Variants in MAST2 observed in about 807,000 individuals in gnomAD.
MAST2 encodes the protein microtubule associated serine/threonine kinase 2, also known as microtubule-associated serine/threonine-protein kinase 2.
Under a neutral mutation model 147.4 loss-of-function variants are expected in MAST2, and 70 were observed. The ratio of observed to expected loss-of-function variants is 0.47; its 90% CI spans 0.39 to 0.58. The LOEUF (loss-of-function observed/expected upper bound fraction) is 0.58. Among genes scored for constraint, MAST2 ranks in the 20% least tolerant of loss-of-function variants. The pLI, the probability that MAST2 is intolerant of heterozygous loss-of-function variation, is 0.00. For missense variants in MAST2, 2,080 were observed against 2,302.3 expected (o/e 0.90, Z 1.98); for synonymous variants, 869 against 896.8 (o/e 0.97, Z 0.55).
chr1:45,926,427 C>T (rs1428989328), intron 4 of MAST2, among the ~76,000 whole-genome samples: 2 of 122,538 alleles, frequency 1.6e-5, no homozygotes, highest in Non-Finnish European at 3.6e-5. Flanking sequence ...GGATATATTG[C>T]CTACCATATG....
intron 4 of MAST2, among the ~76,000 whole-genome samples, chr1:45,930,325 C>T (rs1216555974): frequency 4.6e-5 from 7 of 152,026 alleles, no homozygotes; most frequent in African/African-American, 9.7e-5. Flanking sequence ...ATGATCTACC[C>T]GCCTTGGCCT....
chr1:45,882,107 G>T (rs1646877496), intron 3 of MAST2, among the ~76,000 whole-genome samples: 1 of 149,124 alleles, frequency 6.7e-6, no homozygotes, highest in Non-Finnish European at 1.5e-5. Context: ...CAGGAGAAAG[G>T]CGTGAACCTG....
chr1:45,856,903 T>A (rs1645808874), intron 3 of MAST2, among the ~76,000 whole-genome samples: 1 of 152,160 alleles, frequency 6.6e-6, no homozygotes, highest in South Asian at 2.1e-4. Flanking sequence ...CTAGTTATTT[T>A]TAAATAATAC....
chr1:45,998,832 A>G (rs941172616), intron 6 of MAST2, among the ~76,000 whole-genome samples: 1 of 151,070 alleles, frequency 6.6e-6, no homozygotes, highest in Non-Finnish European at 1.5e-5. Flanking sequence ...GGTTCACGCC[A>G]TTCTCCTGCC....
chr1:46,026,477 G>A (rs1417980336), intron 16 of MAST2, among the ~76,000 whole-genome samples: 1 of 152,182 alleles, frequency 6.6e-6, no homozygotes, highest in African/African-American at 2.4e-5. Context: ...GGGGCCTAGA[G>A]AGTCTTGGAA....
chr1:45,862,540 C>G (rs1646016991), intron 3 of MAST2, among the ~76,000 whole-genome samples: 1 of 147,558 alleles, frequency 6.8e-6, no homozygotes, highest in South Asian at 2.1e-4. Flanking sequence ...GGCACGATCT[C>G]AGCTCTGCAA....
chr1:45,908,336 A>G (rs1047931026), intron 4 of MAST2, among the ~76,000 whole-genome samples: 1 of 152,126 alleles, frequency 6.6e-6, no homozygotes, highest in Admixed American at 6.5e-5. Context: ...TCCCAATGCT[A>G]TCCCTCCCTG....
intron 5 of MAST2, among the ~76,000 whole-genome samples, chr1:45,971,940 A>G (rs948211018): frequency 1.3e-5 from 2 of 152,174 alleles, no homozygotes; most frequent in African/African-American, 4.8e-5. Flanking sequence ...TGTTTGTTAC[A>G]TATCATCTAA....
At position 45,944,076 on chromosome 1, in the gene MAST2, C is replaced by G. The variant is rs549782348; in HGVS notation, c.501-15310C>G. ...AAGAACCTGCTCTTGGGGTCTCAGA[C>G]AAGACCTCTTTTCTAGCGACAGTCT... is the stretch of plus-strand genomic sequence containing the variant. On this transcript the variant is annotated intron_variant, in intron 4 of 28. Transcript: ENST00000361297. 2.0e-5 allele frequency among the ~76,000 whole-genome samples: 3 copies of G among 152,290 alleles called. No individual in the cohort carries two copies. In the East Asian group the frequency reaches 5.8e-4, roughly 29 times the overall value.
intron 3 of MAST2, among the ~76,000 whole-genome samples, chr1:45,861,479 A>G (rs1240285096): frequency 6.7e-6 from 1 of 149,630 alleles, no homozygotes; most frequent in Non-Finnish European, 1.5e-5. Context: ...TTTTTATTTC[A>G]TGGAGAAAAT....
intron 5 of MAST2, among the ~76,000 whole-genome samples, chr1:45,961,423 C>G (rs1482719847): frequency 6.6e-6 from 1 of 152,148 alleles, no homozygotes; most frequent in Admixed American, 6.6e-5. Flanking sequence ...ACTGGCTGCT[C>G]TTCTCTAGAT....
At chr1:45,982,003 C>T (rs991814356) in intron 5 of MAST2, among the ~76,000 whole-genome samples, 2 of 152,070 alleles carry the variant, frequency 1.3e-5, no homozygotes, top group Admixed American at 6.6e-5. Context: ...CACACCACCA[C>T]GCCCAGCTAA....
At chr1:45,882,962 A>T (rs2148309902) in intron 4 of MAST2, among the ~76,000 whole-genome samples, 2 of 152,128 alleles carry the variant, frequency 1.3e-5, no homozygotes, top group East Asian at 3.9e-4. Context: ...TTCCTCTAGG[A>T]ATTCTGTTGG....
At chr1:45,964,455 G>A (rs1660881532) in intron 5 of MAST2, among the ~76,000 whole-genome samples, 1 of 152,196 alleles carries the variant, frequency 6.6e-6, no homozygotes, top group Non-Finnish European at 1.5e-5. Context: ...GAGGGGGTAT[G>A]TGTCGAGGAA....
chr1:45,957,989 A>G (rs747906184), intron 4 of MAST2, among the ~76,000 whole-genome samples: 1 of 152,170 alleles, frequency 6.6e-6, no homozygotes, highest in Non-Finnish European at 1.5e-5. Flanking sequence ...CAGAAGAGAA[A>G]TTGGGGATAT....
At chr1:45,991,220 G>T (rs1644844727) in intron 5 of MAST2, among the ~76,000 whole-genome samples, 2 of 152,124 alleles carry the variant, frequency 1.3e-5, no homozygotes, top group Non-Finnish European at 2.9e-5. Flanking sequence ...GGGTCTGTTT[G>T]TGGAGTCTCT....
At chr1:46,018,732 G>A (rs1646060568) in intron 10 of MAST2, among the ~76,000 whole-genome samples, 1 of 152,068 alleles carries the variant, frequency 6.6e-6, no homozygotes, top group South Asian at 2.1e-4. Context: ...GCTATTAGAG[G>A]TGGGAGGGAA....
At chr1:45,829,316 G>T in intron 2 of MAST2, 123 bp from the exon 3 acceptor site, 3 of 779,302 alleles carry the variant, frequency 3.8e-6, no homozygotes, top group South Asian at 3.0e-5. Flanking sequence ...TTCTAAAATG[G>T]ATGTGAACAA....
At chr1:45,841,459 T>A (rs1645273401) in intron 3 of MAST2, among the ~76,000 whole-genome samples, 1 of 149,182 alleles carries the variant, frequency 6.7e-6, no homozygotes, top group Non-Finnish European at 1.5e-5. Context: ...ATTTCTTCTG[T>A]ATATATATAT....
Sources: gnomAD v4.1 joint callset for allele counts (sites outside exome capture counted in the v4.1 genomes callset) on GRCh38, gnomAD v4.1.1 for gene constraint, MANE v1.5 for transcripts, NCBI Gene and HGNC (gene_info 2026-07-23, HGNC 2026-07-21) for gene names.